Variants in RIMS2 observed in about 807,000 individuals in gnomAD.
RIMS2 encodes the protein regulating synaptic membrane exocytosis protein 2.
RIMS2 carries 59 observed loss-of-function variants against 174.4 expected under a neutral mutation model. The observed-to-expected ratio is 0.34, with a 90% CI of 0.27 to 0.42. The LOEUF is 0.42. Among genes scored for constraint, RIMS2 ranks in the 10% least tolerant of loss-of-function variants. The pLI, the probability that RIMS2 is intolerant of heterozygous loss-of-function variation, is 1.00. For missense variants in RIMS2, 1,620 were observed against 1,666.3 expected, an observed-to-expected ratio of 0.97 and a Z score of 0.48; for synonymous variants, 606 against 572.5, an observed-to-expected ratio of 1.06 and a Z score of -0.84.
At chr8:103,893,520 A>G (rs1277128023) in intron 4 of RIMS2, among the ~76,000 whole-genome samples, 1 of 152,084 alleles carries the variant, frequency 6.6e-6, no homozygotes, top group Non-Finnish European at 1.5e-5. Flanking sequence ...CAAATAATGC[A>G]GTTTAGATCA....
At chr8:104,215,649 G>A (rs996591230) in intron 19 of RIMS2, among the ~76,000 whole-genome samples, 2 of 152,160 alleles carry the variant, frequency 1.3e-5, no homozygotes, top group African/African-American at 2.4e-5. Context: ...AATTATAATA[G>A]GAGACATGTT....
chr8:103,983,601 A>G (rs2154549508), intron 16 of RIMS2, among the ~76,000 whole-genome samples: 1 of 152,304 alleles, frequency 6.6e-6, no homozygotes, highest in South Asian at 2.1e-4. Flanking sequence ...CCATACACCT[A>G]CAGTGAACTC....
chr8:103,572,651 T>C (rs539476030), intron 1 of RIMS2, among the ~76,000 whole-genome samples: 23 of 152,266 alleles, frequency 1.5e-4, no homozygotes, highest in Admixed American at 1.3e-3. Context: ...TCTCCAATGA[T>C]TAGTGATGAT....
At chr8:103,980,265 C>T (rs142192093) in intron 16 of RIMS2, among the ~76,000 whole-genome samples, 9 of 151,870 alleles carry the variant, frequency 5.9e-5, no homozygotes, top group South Asian at 2.1e-4. Flanking sequence ...GGAGAGAGAA[C>T]GAGGCAGAGT....
chr8:103,940,369 G>C (rs2082247354), intron 13 of RIMS2, among the ~76,000 whole-genome samples: 1 of 152,090 alleles, frequency 6.6e-6, no homozygotes, highest in African/African-American at 2.4e-5. Flanking sequence ...ATTATGATGA[G>C]AGCAGCACGA....
intron 1 of RIMS2, among the ~76,000 whole-genome samples, chr8:103,545,569 A>G (rs1041845698): frequency 1.3e-5 from 2 of 152,214 alleles, no homozygotes; most frequent in Non-Finnish European, 2.9e-5. Flanking sequence ...TAATATACAT[A>G]GACGTCAGAT....
At chr8:104,128,167 A>G (rs1206554757) in intron 19 of RIMS2, among the ~76,000 whole-genome samples, 3 of 152,172 alleles carry the variant, frequency 2.0e-5, no homozygotes, top group Non-Finnish European at 4.4e-5. Context: ...AGTGGGAATG[A>G]TCTGGCACTA....
At chr8:104,095,737 A>G (rs1307603154) in intron 19 of RIMS2, among the ~76,000 whole-genome samples, 3 of 152,070 alleles carry the variant, frequency 2.0e-5, no homozygotes, top group Non-Finnish European at 4.4e-5. Context: ...TGTTAGTACA[A>G]AGCCTGCTCA....
At chr8:103,602,939 T>A (rs530734948) in intron 1 of RIMS2, among the ~76,000 whole-genome samples, 1 of 152,322 alleles carries the variant, frequency 6.6e-6, no homozygotes, top group South Asian at 2.1e-4. Flanking sequence ...TGTATAAGTG[T>A]TTCCTTTTCT....
chr8:103,906,380 G>C (rs558842448), intron 4 of RIMS2, among the ~76,000 whole-genome samples: 1 of 152,214 alleles, frequency 6.6e-6, no homozygotes, highest in African/African-American at 2.4e-5. Flanking sequence ...AAGTAGCTGG[G>C]ACTGGGAGCT....
chr8:103,713,454 C>T (rs1373616090), intron 2 of RIMS2, among the ~76,000 whole-genome samples: 1 of 152,192 alleles, frequency 6.6e-6, no homozygotes, highest in Non-Finnish European at 1.5e-5. Flanking sequence ...TAATTTTCAA[C>T]TTTTTAATTG....
At position 103,754,381 on chromosome 8, in the gene RIMS2, G is replaced by T. The variant is rs182221163; in HGVS notation, c.388-11846G>T. ...GTCAGTTTTAGAATAAGTGCGTTGTGGTGCTGAGAAGAATGTATATTCTGT... is the reference window on the plus strand; with the variant it reads ...GTCAGTTTTAGAATAAGTGCGTTGTTGTGCTGAGAAGAATGTATATTCTGT... On this transcript the variant is annotated intron_variant, in intron 2 of 23. Transcript: ENST00000504942. 2.4e-3 allele frequency among the ~76,000 whole-genome samples: 370 copies of T among 152,266 alleles called. 3 individuals are homozygous for T. The highest frequency in any genetic ancestry group is 3.6e-3 in the Non-Finnish European group (248 of 68,016).
intron 3 of RIMS2, among the ~76,000 whole-genome samples, chr8:103,805,119 A>G (rs531764898): frequency 4.9e-4 from 75 of 152,176 alleles, no homozygotes; most frequent in Non-Finnish European, 9.0e-4. Context: ...GTGTGTATCT[A>G]TTTTTATGTA....
At chr8:103,695,283 T>G (rs2097086698) in intron 1 of RIMS2, among the ~76,000 whole-genome samples, 1 of 152,202 alleles carries the variant, frequency 6.6e-6, no homozygotes, top group Non-Finnish European at 1.5e-5. Context: ...CAAATTGATG[T>G]TTCTGCTGAG....
At chr8:103,923,156 T>G (rs1462989154) in intron 10 of RIMS2, among the ~76,000 whole-genome samples, 1 of 151,946 alleles carries the variant, frequency 6.6e-6, no homozygotes, top group South Asian at 2.1e-4. Flanking sequence ...TCTTCTACTA[T>G]ACTATAAAAT....
At position 103,850,064 on chromosome 8, in the gene RIMS2, A is replaced by G. The variant is rs561959577; in HGVS notation, c.699-35234A>G. Among the ~76,000 whole-genome samples the G allele has an allele frequency of 2.6e-5, 4 of 152,160 alleles. No homozygotes were observed. The South Asian group carries it at 8.3e-4, about 32-fold the overall frequency. On this transcript the variant is annotated intron_variant, in intron 3 of 23. Transcript: ENST00000504942. ...GATTCCATACTAGAAGGAAAACAAT[A>G]TTGAATGTTGGGAAATTTGCCAGTA...
chr8:103,634,879 T>A (rs1421780771), intron 1 of RIMS2, among the ~76,000 whole-genome samples: 1 of 152,224 alleles, frequency 6.6e-6, no homozygotes, highest in African/African-American at 2.4e-5. Flanking sequence ...TTGGTAGATT[T>A]TTCTTCATCC....
At chr8:104,192,373 A>AT (rs1317172552) in intron 19 of RIMS2, among the ~76,000 whole-genome samples, 7 of 152,180 alleles carry the variant, frequency 4.6e-5, no homozygotes, top group Non-Finnish European at 7.4e-5. Context: ...AAGAAATTCC[A>AT]TTAAAAAAAA....
intron 15 of RIMS2, among the ~76,000 whole-genome samples, chr8:103,963,350 A>G (rs2090790006): frequency 6.6e-6 from 1 of 152,148 alleles, no homozygotes; most frequent in Admixed American, 6.6e-5. Context: ...ATATGCAGAG[A>G]TTTCTTTCCA....
Sources: allele counts gnomAD v4.1 joint callset (sites outside exome capture counted in the v4.1 genomes callset), GRCh38; gene constraint gnomAD v4.1.1; transcripts MANE v1.5; gene names NCBI Gene and HGNC (gene_info 2026-07-23, HGNC 2026-07-21).